SNTG1: variants seen among roughly 807,000 people sequenced by gnomAD.
The protein encoded by SNTG1 is syntrophin gamma 1.
A neutral mutation model predicts 74.7 loss-of-function variants in SNTG1; 39 were observed. The observed-to-expected ratio is 0.52, with a 90% CI of 0.40 to 0.68. SNTG1 has a LOEUF of 0.68. SNTG1 is among the 30% of genes least tolerant of loss of function. The probability of loss-of-function intolerance (pLI) is 0.00; values close to 1 mark genes in which losing one functional copy is unlikely to be tolerated. For synonymous variants in SNTG1, 254 were observed against 217.1 expected (o/e 1.17, Z -1.49); for missense variants, 685 against 609.5 (o/e 1.12, Z -1.30).
chr8:50,553,467 T>C (rs1484246410), intron 12 of SNTG1, among the ~76,000 whole-genome samples: 1 of 152,134 alleles, frequency 6.6e-6, no homozygotes, highest in Non-Finnish European at 1.5e-5. Context: ...AGTAAAAGCA[T>C]TCGGGAATAA....
intron 13 of SNTG1, among the ~76,000 whole-genome samples, chr8:50,602,400 C>T (rs1333484162): frequency 6.6e-6 from 1 of 152,080 alleles, no homozygotes; most frequent in East Asian, 1.9e-4. Context: ...ATAAACTCTA[C>T]ACTTTAACTT....
intron 15 of SNTG1, among the ~76,000 whole-genome samples, chr8:50,693,096 A>T (rs1177113946): frequency 2.0e-5 from 3 of 152,078 alleles, no homozygotes; most frequent in Non-Finnish European, 2.9e-5. Context: ...TTTTAAGCCC[A>T]TTGGAAAAGC....
intron 1 of SNTG1, among the ~76,000 whole-genome samples, chr8:50,113,373 G>A (rs529567337): frequency 0.012 from 1,890 of 152,238 alleles, 15 homozygotes; most frequent in Non-Finnish European, 0.02. Context: ...TTGTGAATGG[G>A]AGTTCACTCA....
intron 2 of SNTG1, among the ~76,000 whole-genome samples, chr8:50,358,124 G>C (rs1253323348): frequency 1.3e-5 from 2 of 152,104 alleles, no homozygotes; most frequent in Non-Finnish European, 2.9e-5. Flanking sequence ...CTGGGTGCTA[G>C]GAATACTGTG....
At chr8:50,072,342 T>C (rs1821442712) in intron 1 of SNTG1, among the ~76,000 whole-genome samples, 1 of 152,220 alleles carries the variant, frequency 6.6e-6, no homozygotes, top group Non-Finnish European at 1.5e-5. Flanking sequence ...ATTATTTTTA[T>C]GAGTGATACA....
At chr8:49,928,704 A>T (rs977368969) in intron 1 of SNTG1, among the ~76,000 whole-genome samples, 1 of 152,220 alleles carries the variant, frequency 6.6e-6, no homozygotes, top group African/African-American at 2.4e-5. Flanking sequence ...TTAATTTTTT[A>T]AAAATTAGAA....
chr8:50,697,873 G>A (rs1432237200), intron 15 of SNTG1, among the ~76,000 whole-genome samples: 3 of 152,132 alleles, frequency 2.0e-5, no homozygotes, highest in Non-Finnish European at 4.4e-5. Flanking sequence ...GTGTTAATTA[G>A]GGATATAGGT....
intron 8 of SNTG1, 109 bp from the exon 9 acceptor site, chr8:50,502,669 A>C (rs563746043): frequency 8.6e-6 from 7 of 812,076 alleles, no homozygotes; most frequent in Admixed American, 8.1e-5. Context: ...GTTTCTGAAT[A>C]CTAGGGAAAA....
intron 1 of SNTG1, among the ~76,000 whole-genome samples, chr8:50,033,087 GCA>G (rs1817866218): frequency 6.6e-6 from 1 of 150,992 alleles, no homozygotes; most frequent in Non-Finnish European, 1.5e-5. Flanking sequence ...AAACTGCCTT[GCA>G]CAGTGCTAAG....
chr8:50,074,913 C>A (rs568582966), intron 1 of SNTG1, among the ~76,000 whole-genome samples: 6 of 152,156 alleles, frequency 3.9e-5, no homozygotes, highest in Non-Finnish European at 7.4e-5. Flanking sequence ...GCGGCGCACG[C>A]GAGTTCGGGG....
intron 13 of SNTG1, among the ~76,000 whole-genome samples, chr8:50,654,999 G>T (rs1466240136): frequency 2.6e-5 from 4 of 152,112 alleles, no homozygotes; most frequent in Non-Finnish European, 5.9e-5. Context: ...TGACATTTCC[G>T]TGTAGAAAGC....
intron 1 of SNTG1, among the ~76,000 whole-genome samples, chr8:49,935,380 A>G (rs1192296410): frequency 7.5e-6 from 1 of 133,772 alleles, no homozygotes; most frequent in African/African-American, 2.9e-5. Flanking sequence ...GGGCCCCCAA[A>G]GCCATTAATT....
chr8:50,672,056 A>C (rs1281259444), intron 15 of SNTG1, among the ~76,000 whole-genome samples: 1 of 60,888 alleles, frequency 1.6e-5, no homozygotes, highest in Non-Finnish European at 2.9e-5. Flanking sequence ...GGGTGGGGGG[A>C]GGGGGGAGGG....
At chr8:50,422,154 A>G (rs1006797698) in intron 4 of SNTG1, among the ~76,000 whole-genome samples, 5 of 152,158 alleles carry the variant, frequency 3.3e-5, no homozygotes, top group Admixed American at 6.5e-5. Context: ...TAATAAGACC[A>G]CTTCTGTTTG....
rs2080980194 is a variant in SNTG1 at position 50,120,987 on chromosome 8, AGCTGCTTTT to A, written c.-102-51570_-102-51562del. ...ACAATCTGACTTATAGGAAACACTG[AGCTGCTTTT>A]GCTCCCCATATTTCATTATCATATC... On this transcript the variant is annotated intron_variant, in intron 1 of 18. Transcript: ENST00000642720. 2.1e-5 allele frequency among the ~76,000 whole-genome samples: 3 copies of A among 141,910 alleles called. 1 individual carries two copies. 93.1% of individuals were successfully genotyped at this position (141,910 alleles called of 152,430 possible).
Position 50,757,987 on chromosome 8 carries a change from CTTCT to C in SNTG1, c.1395+5877_1395+5880del, listed in dbSNP as rs1231107716. Among the ~76,000 whole-genome samples the C allele has an allele frequency of 2.6e-5, 4 of 151,992 alleles. No individual in the cohort carries two copies. The East Asian group carries it at 7.8e-4, about 30-fold the overall frequency. ...TCCTCCTAATTCCTGCCTCTCCTTC[CTTCT>C]ATTATTGTTGTCACTCATTTTGCTT... is the stretch of plus-strand genomic sequence containing the variant. On this transcript the variant is annotated intron_variant, in intron 18 of 18. Transcript: ENST00000642720.
chr8:50,523,645 G>T (rs1175088585), intron 9 of SNTG1, among the ~76,000 whole-genome samples: 1 of 152,130 alleles, frequency 6.6e-6, no homozygotes, highest in Non-Finnish European at 1.5e-5. Flanking sequence ...GGTTTGTGAA[G>T]CTCCAAAAGA....
At chr8:50,312,514 A>C (rs1274039536) in intron 2 of SNTG1, among the ~76,000 whole-genome samples, 1 of 150,782 alleles carries the variant, frequency 6.6e-6, no homozygotes, top group Non-Finnish European at 1.5e-5. Context: ...CAGTAGCTGT[A>C]AGCTGGCACT....
At chr8:49,984,152 A>AAT (rs1314624109) in intron 1 of SNTG1, among the ~76,000 whole-genome samples, 13 of 152,266 alleles carry the variant, frequency 8.5e-5, no homozygotes, top group African/African-American at 3.1e-4. Context: ...ATTTCTAAAC[A>AAT]ATATATTTCT....
Sources: gnomAD v4.1 joint callset for allele counts (sites outside exome capture counted in the v4.1 genomes callset) on GRCh38, gnomAD v4.1.1 for gene constraint, MANE v1.5 for transcripts, NCBI Gene and HGNC (gene_info 2026-07-23, HGNC 2026-07-21) for gene names.